ESR1: variants seen among roughly 807,000 people sequenced by gnomAD.
The protein encoded by ESR1 is estrogen receptor.
A neutral mutation model predicts 52.7 loss-of-function variants in ESR1; 12 were observed. The ratio of observed to expected loss-of-function variants is 0.23; its 90% CI spans 0.15 to 0.37. The LOEUF (loss-of-function observed/expected upper bound fraction) is 0.37. ESR1 is among the 10% of genes least tolerant of loss of function. ESR1 has a pLI of 1.00. For synonymous variants in ESR1, 305 were observed against 316.8 expected (o/e 0.96, Z 0.39); for missense variants, 584 against 779.7 (o/e 0.75, Z 2.99).
chr6:151,681,220 G>A (rs1209358924), intron 1 of ESR1, among the ~76,000 whole-genome samples: 1 of 152,198 alleles, frequency 6.6e-6, no homozygotes, highest in Non-Finnish European at 1.5e-5. Flanking sequence ...CCCTGTGAAT[G>A]ATTCTTAATT....
chr6:151,938,161 C>A (rs570187704), intron 3 of ESR1, among the ~76,000 whole-genome samples: 1 of 152,014 alleles, frequency 6.6e-6, no homozygotes, highest in Non-Finnish European at 1.5e-5. Context: ...AATACATGAA[C>A]GTAGTCATGG....
intron 6 of ESR1, chr6:152,121,954 T>G (rs773739545): frequency 6.1e-6 from 1 of 164,970 alleles, no homozygotes; most frequent in Non-Finnish European, 1.3e-5. Flanking sequence ...AGCTGCCATA[T>G]AAGCTCTTAA....
chr6:151,962,039 A>AG (rs2037732123), intron 4 of ESR1, among the ~76,000 whole-genome samples: 1 of 152,052 alleles, frequency 6.6e-6, no homozygotes, highest in Non-Finnish European at 1.5e-5. Context: ...AAAACAATGG[A>AG]GGTGAGGAGG....
intron 4 of ESR1, among the ~76,000 whole-genome samples, chr6:151,957,488 C>T (rs1442707602): frequency 6.6e-6 from 1 of 151,852 alleles, no homozygotes; most frequent in African/African-American, 2.4e-5. Context: ...TCTCTTCAAA[C>T]AATCTTATTA....
At chr6:151,961,892 G>A (rs955834914) in intron 4 of ESR1, among the ~76,000 whole-genome samples, 4 of 152,128 alleles carry the variant, frequency 2.6e-5, no homozygotes, top group South Asian at 2.1e-4. Context: ...TTCTTCAGTC[G>A]GATTGTCAGC....
upstream of ESR1, among the ~76,000 whole-genome samples, chr6:151,686,481 C>G (rs774690771): frequency 1.3e-5 from 2 of 152,200 alleles, no homozygotes; most frequent in East Asian, 1.9e-4. Flanking sequence ...GTCAGCAGAT[C>G]GAGACCATCC....
intron 2 of ESR1, among the ~76,000 whole-genome samples, chr6:151,876,103 A>G (rs1339678706): frequency 6.6e-6 from 1 of 152,062 alleles, no homozygotes; most frequent in Non-Finnish European, 1.5e-5. Context: ...TAATTAGAAA[A>G]TATTTGTTTT....
At chr6:151,705,930 C>A (rs982398426) in intron 2 of ESR1, among the ~76,000 whole-genome samples, 5 of 152,194 alleles carry the variant, frequency 3.3e-5, no homozygotes, top group Non-Finnish European at 5.9e-5. Flanking sequence ...GTCTACCTAA[C>A]AAGGTCACAC....
chr6:152,116,212 T>C (rs1020585696), intron 6 of ESR1, among the ~76,000 whole-genome samples: 1 of 152,230 alleles, frequency 6.6e-6, no homozygotes, highest in Non-Finnish European at 1.5e-5. Context: ...GATTCAGTAA[T>C]TCCACTTTGA....
At chr6:151,761,354 A>T (rs1442236273) in intron 2 of ESR1, among the ~76,000 whole-genome samples, 5 of 152,184 alleles carry the variant, frequency 3.3e-5, no homozygotes, top group Admixed American at 3.3e-4. Context: ...ATAGAAATGA[A>T]GATTTAGGCC....
At chr6:151,857,365 A>G (rs1788033818) in intron 2 of ESR1, among the ~76,000 whole-genome samples, 1 of 152,022 alleles carries the variant, frequency 6.6e-6, no homozygotes, top group South Asian at 2.1e-4. Flanking sequence ...ATTTTATATA[A>G]GGGACTTAAA....
At chr6:152,128,966 G>A (rs927822155) in exon 7 of ESR1, 1 of 152,270 alleles carries the variant, frequency 6.6e-6, no homozygotes, top group African/African-American at 2.4e-5. Flanking sequence ...TTCAGGTGAA[G>A]ATTATTTATG....
intron 1 of ESR1, among the ~76,000 whole-genome samples, chr6:151,677,779 A>G (rs1778301712): frequency 6.6e-6 from 1 of 152,196 alleles, no homozygotes; most frequent in African/African-American, 2.4e-5. Flanking sequence ...ATTGTCAATA[A>G]TAGAGTCGCC....
intron 4 of ESR1, among the ~76,000 whole-genome samples, chr6:151,990,081 G>A (rs2128710272): frequency 6.6e-6 from 1 of 152,112 alleles, no homozygotes; most frequent in African/African-American, 2.4e-5. Flanking sequence ...GTTAATAAAT[G>A]TAAATTACAA....
chr6:151,737,603 G>GA (rs1481781209), intron 2 of ESR1, among the ~76,000 whole-genome samples: 3 of 152,098 alleles, frequency 2.0e-5, no homozygotes, highest in Non-Finnish European at 4.4e-5. Context: ...TTGTGCAGTG[G>GA]AAAATGAGTG....
At chr6:151,993,342 A>C (rs2041197000) in intron 4 of ESR1, among the ~76,000 whole-genome samples, 1 of 152,172 alleles carries the variant, frequency 6.6e-6, no homozygotes, top group African/African-American at 2.4e-5. Context: ...ACAGCCAGCA[A>C]GGTGTGGAGC....
chr6:151,830,322 C>A (rs576121891), intron 1 of ESR1, among the ~76,000 whole-genome samples: 1 of 152,068 alleles, frequency 6.6e-6, no homozygotes, highest in Non-Finnish European at 1.5e-5. Flanking sequence ...TCCTTTTTCT[C>A]GGTACTTTCC....
intron 6 of ESR1, among the ~76,000 whole-genome samples, chr6:152,120,194 C>G (rs1291640793): frequency 6.6e-6 from 1 of 152,212 alleles, no homozygotes; most frequent in Non-Finnish European, 1.5e-5. Flanking sequence ...CACGATGACA[C>G]TCTTCATTGT....
chr6:152,067,543 T>C (rs1236952992), intron 6 of ESR1, among the ~76,000 whole-genome samples: 1 of 152,198 alleles, frequency 6.6e-6, no homozygotes, highest in Non-Finnish European at 1.5e-5. Context: ...GCATTAAGTT[T>C]GAATAATGTA....
Sources: allele counts gnomAD v4.1 joint callset (sites outside exome capture counted in the v4.1 genomes callset), GRCh38; gene constraint gnomAD v4.1.1; transcripts MANE v1.5; gene names NCBI Gene and HGNC (gene_info 2026-07-23, HGNC 2026-07-21).